Variants in OXNAD1 observed in about 807,000 individuals in gnomAD.
The protein encoded by OXNAD1 is oxidoreductase NAD-binding domain-containing protein 1.
A neutral mutation model predicts 32.9 loss-of-function variants in OXNAD1; 34 were observed. The ratio of observed to expected loss-of-function variants is 1.03; its 90% confidence interval spans 0.79 to 1.38. OXNAD1 has a LOEUF of 1.38. Among genes scored for constraint, OXNAD1 ranks in the 40% most tolerant of loss-of-function variants. The pLI is 0.00. For synonymous variants in OXNAD1, 134 were observed against 135.2 expected (o/e 0.99, Z 0.06); for missense variants, 407 against 379.4 (o/e 1.07, Z -0.60).
rs187068593 is a variant in OXNAD1, at chr3:16,298,416, G to T, written c.433-3210G>T. 6.6e-6 allele frequency among the ~76,000 whole-genome samples: 1 copy of T among 152,170 alleles called. No homozygotes were observed. The highest frequency in any genetic ancestry group is 1.9e-4 in the East Asian group (1 of 5,182). ...TCCTGCTTGGTTTCATGCCTCATTG[G>T]CATTTCAGTGAAGAAACTTATTCTT... On this transcript the variant is annotated intron_variant, in intron 6 of 8. Coordinates refer to ENST00000285083, the MANE Select transcript of OXNAD1 (RefSeq NM_138381.5). This position sits in a 1 kb window ranked among gnomAD's most constrained non-coding sequence, Gnocchi z 5.1.
Position 16,336,675 on chromosome 3 carries a change from T to A in OXNAD1, c.*31-437T>A, listed in dbSNP as rs11923948. On this transcript the variant is annotated intron_variant, in intron 9 of 9. Transcript: ENST00000435829. The surrounding 1 kb of genome is among the most constrained non-coding windows in gnomAD (Gnocchi z 6.0). Reference sequence around the variant, plus strand: ...TTCAAAGAGAATAATTTTTTTTTTTTAAAAAAGCTTAGTTCTTAGATGCAG... The same window carrying A: ...TTCAAAGAGAATAATTTTTTTTTTTAAAAAAAGCTTAGTTCTTAGATGCAG... Among the ~76,000 whole-genome samples, 37,776 of 151,702 alleles carry A rather than the reference T, an allele frequency of 0.25. 4,937 individuals are homozygous for A. The highest frequency in any genetic ancestry group is 0.41 in the Middle Eastern group (120 of 294).
chr3:16,318,305 G>T (rs373236062), intron 9 of OXNAD1, among the ~76,000 whole-genome samples: 48 of 152,208 alleles, frequency 3.2e-4, no homozygotes, highest in East Asian at 2.7e-3. Flanking sequence ...TATCTCATTG[G>T]TTTCACCAAA....
intron 9 of OXNAD1, among the ~76,000 whole-genome samples, chr3:16,332,563 C>T (rs978724672): frequency 2.6e-5 from 4 of 152,092 alleles, no homozygotes; most frequent in East Asian, 3.9e-4. Flanking sequence ...TACCACGCCA[C>T]GTTAGGATTT....
rs1229218001 is a variant in OXNAD1, at chr3:16,297,414, G to T, written c.432+2417G>T. Among the ~76,000 whole-genome samples the T allele has an allele frequency of 6.6e-6, 1 of 152,120 alleles. No homozygotes were observed. Among genetic ancestry groups the T allele is most frequent in the Non-Finnish European group, 1.5e-5 (1 of 68,018 alleles). The stretch of plus-strand genomic sequence containing the variant: ...ATATTGCTAGTGGGAATGCAAAATA[G>T]TACAGCCGATCTGGAAAGCATTTTA... On this transcript the variant is annotated intron_variant, in intron 6 of 8. Coordinates refer to ENST00000285083, the MANE Select transcript of OXNAD1 (RefSeq NM_138381.5). The surrounding 1 kb of genome is among the most constrained non-coding windows in gnomAD (Gnocchi z 4.3).
At chr3:16,315,138 A>G (rs1487549866) in intron 9 of OXNAD1, among the ~76,000 whole-genome samples, 1 of 150,100 alleles carries the variant, frequency 6.7e-6, no homozygotes, top group Non-Finnish European at 1.5e-5. Flanking sequence ...TTTTTCTGAG[A>G]TGGAGTCTTG....
downstream of OXNAD1, among the ~76,000 whole-genome samples, chr3:16,338,148 C>T (rs1193076604): frequency 6.6e-6 from 1 of 152,214 alleles, no homozygotes; most frequent in Non-Finnish European, 1.5e-5. The surrounding 1 kb of genome is among the most constrained non-coding windows in gnomAD (Gnocchi z 5.3). Flanking sequence ...TGCGGTTTCT[C>T]TAACGTCAGT....
chr3:16,329,103 A>C lies in OXNAD1; in HGVS notation c.*31-8009A>C, dbSNP rs1188957962. On this transcript the variant is annotated intron_variant, in intron 9 of 9. Coordinates refer to the OXNAD1 transcript ENST00000435829. The surrounding 1 kb of genome is among the most constrained non-coding windows in gnomAD (Gnocchi z 4.5). The stretch of plus-strand genomic sequence containing the variant: ...GGGCTCCACTCTTGTGAATGGGTTA[A>C]TGCCAACTCAGGCAAAGGGCTTGAG... Among the ~76,000 whole-genome samples, 1 of 152,234 alleles carries C rather than the reference A, an allele frequency of 6.6e-6. No homozygotes were observed. The highest frequency in any genetic ancestry group is 1.5e-5 in the Non-Finnish European group (1 of 68,048).
chr3:16,351,866 GGACTAGAAA>G (rs2072126612), downstream of OXNAD1, among the ~76,000 whole-genome samples: 1 of 151,782 alleles, frequency 6.6e-6, no homozygotes, highest in African/African-American at 2.4e-5. This position sits in a 1 kb window ranked among gnomAD's most constrained non-coding sequence, Gnocchi z 5.4. Flanking sequence ...TTGGGTGAGG[GGACTAGAAA>G]GACTAGAAAA....
chr3:16,267,566 T>A (rs536009897), intron 1 of OXNAD1, among the ~76,000 whole-genome samples: 15 of 152,338 alleles, frequency 9.8e-5, no homozygotes, highest in African/African-American at 3.6e-4. Flanking sequence ...TGTCTGCCTT[T>A]AACATTTGCT....
At chr3:16,278,222 ACT>A (rs2065485454) in intron 4 of OXNAD1, among the ~76,000 whole-genome samples, 1 of 151,958 alleles carries the variant, frequency 6.6e-6, no homozygotes, top group Non-Finnish European at 1.5e-5. Flanking sequence ...TTTTAATGGG[ACT>A]CTGATCAGAA....
chr3:16,275,874 T>A (rs538080528), intron 4 of OXNAD1: 1 of 153,786 alleles, frequency 6.5e-6, no homozygotes, highest in Non-Finnish European at 1.5e-5. Flanking sequence ...TTCCAAAGAC[T>A]GTTGAATACC....
downstream of OXNAD1, among the ~76,000 whole-genome samples, chr3:16,309,179 A>G (rs2067782829): frequency 1.3e-5 from 2 of 152,328 alleles, no homozygotes; most frequent in Middle Eastern, 3.4e-3. Context: ...ATATACCATA[A>G]TATACTTAAC....
At position 16,336,024 on chromosome 3, in the gene OXNAD1, C is replaced by T. The variant is rs1224731779; in HGVS notation, c.*31-1088C>T. Among the ~76,000 whole-genome samples, 2 of 152,096 alleles carry T rather than the reference C, an allele frequency of 1.3e-5. No individual in the cohort carries two copies. Among genetic ancestry groups the T allele is most frequent in the African/African-American group, 2.4e-5 (1 of 41,402 alleles). ...AGCACACGCTGGCTATAGCGGCACT[C>T]GAGGAGGGTAGAGGTCCTGTTCTCC... is the stretch of plus-strand genomic sequence containing the variant. On this transcript the variant is annotated intron_variant, in intron 9 of 9. Transcript: ENST00000435829. The surrounding 1 kb of genome is among the most constrained non-coding windows in gnomAD (Gnocchi z 6.0).
In OXNAD1 at chr3:16,346,425, A is replaced by C. The variant is rs2071722599; in HGVS notation, c.*31-2751A>C. 6.6e-6 allele frequency: 1 copy of C among 152,266 alleles called. No homozygotes were observed. The allele number at this position is 152,266 out of a possible 1,614,324, so 9.4% of individuals were successfully genotyped here. On this transcript the variant is annotated intron_variant, in intron 9 of 9. Coordinates refer to the OXNAD1 transcript ENST00000606098. The surrounding 1 kb of genome is among the most constrained non-coding windows in gnomAD (Gnocchi z 4.4). ...GAAGAAAAAAGTGCAGATAAAGATTAAAGGTCAAATACTTCCTTTTGTCAT... is the reference window on the plus strand; with the variant it reads ...GAAGAAAAAAGTGCAGATAAAGATTCAAGGTCAAATACTTCCTTTTGTCAT...
intron 1 of OXNAD1, among the ~76,000 whole-genome samples, chr3:16,267,870 A>G (rs960625309): frequency 2.6e-5 from 4 of 152,260 alleles, no homozygotes; most frequent in Non-Finnish European, 5.9e-5. Flanking sequence ...AACTGAAACC[A>G]TATAATTAAT....
rs1340353059 is a variant in OXNAD1, at chr3:16,317,762, C to A, written c.*30+14170C>A. ...CCCACAGGACTGGCGGGCCCGCTCC[C>A]CAGCTAGGCCGATAGCCCTTTGCTG... On this transcript the variant is annotated intron_variant, in intron 9 of 9. Coordinates refer to the OXNAD1 transcript ENST00000435829. The surrounding 1 kb of genome is among the most constrained non-coding windows in gnomAD (Gnocchi z 4.3). 5.0e-5 allele frequency among the ~76,000 whole-genome samples: 7 copies of A among 139,254 alleles called. No individual in the cohort carries two copies. Among genetic ancestry groups the A allele is most frequent in the Non-Finnish European group, 7.5e-5 (5 of 66,446 alleles). 91.4% of individuals were successfully genotyped at this position (139,254 alleles called of 152,430 possible).
chr3:16,316,729 G>C lies in OXNAD1; in HGVS notation c.*30+13137G>C, dbSNP rs986836855. On this transcript the variant is annotated intron_variant, in intron 9 of 9. Transcript: ENST00000435829. The surrounding 1 kb of genome is among the most constrained non-coding windows in gnomAD (Gnocchi z 4.5). ...GAGGTCAAGCCAAGCCAAAGGGTAG[G>C]TAACACACAACACCAGGGAAACCAG... The C allele has an allele frequency of 8.3e-6, 12 of 1,440,244 alleles. No individual in the cohort carries two copies. In the African/African-American group the frequency reaches 1.4e-4, roughly 17 times the overall value. The allele number at this position is 1,440,244 out of a possible 1,614,324, so 89.2% of individuals were successfully genotyped here.
In OXNAD1 at chr3:16,317,367, T is replaced by C; in HGVS notation, c.*30+13775T>C. 2 of 894,256 alleles carry C rather than the reference T, an allele frequency of 2.2e-6. No individual in the cohort carries two copies. The highest frequency in any genetic ancestry group is 3.4e-6 in the Non-Finnish European group (2 of 588,920). The allele number at this position is 894,256 out of a possible 1,614,324, so 55.4% of individuals were successfully genotyped here. A position where few individuals can be genotyped will look rare whatever the true frequency, so the allele number is the denominator to read the frequency against. ...TTCCCAGCATCCCCCAGCCAGGCAG[T>C]ACAGGCACCAAACTTGAATCGCACA... On this transcript the variant is annotated intron_variant, in intron 9 of 9. Transcript: ENST00000435829. This position sits in a 1 kb window ranked among gnomAD's most constrained non-coding sequence, Gnocchi z 4.3.
At chr3:16,270,733 T>C (rs772204491) in intron 2 of OXNAD1, among the ~76,000 whole-genome samples, 3 of 152,296 alleles carry the variant, frequency 2.0e-5, no homozygotes, top group African/African-American at 7.2e-5. Context: ...TACATACTTA[T>C]ATACATAATT....
Sources: allele counts gnomAD v4.1 joint callset (sites outside exome capture counted in the v4.1 genomes callset), GRCh38; gene constraint gnomAD v4.1.1; non-coding constraint Gnocchi (gnomAD v3.1); transcripts MANE v1.5; gene names NCBI Gene and HGNC (gene_info 2026-07-23, HGNC 2026-07-21).